CDK14: variants seen among roughly 807,000 people sequenced by gnomAD.
CDK14 encodes cyclin-dependent kinase 14.
Under a neutral mutation model 60.7 loss-of-function variants are expected in CDK14, and 34 were observed. That is an observed-to-expected ratio of 0.56 (90% CI 0.43 to 0.75). CDK14 has a LOEUF of 0.75. Ranked by LOEUF, CDK14 falls within the 30% of genes least tolerant of loss-of-function variation. The probability of loss-of-function intolerance (pLI) is 0.00; values close to 1 mark genes in which losing one functional copy is unlikely to be tolerated. For synonymous variants in CDK14, 197 were observed against 203.7 expected (o/e 0.97, Z 0.28); for missense variants, 482 against 564.1 (o/e 0.85, Z 1.47).
intron 14 of CDK14, among the ~76,000 whole-genome samples, chr7:91,162,199 T>A (rs1040396870): frequency 6.6e-6 from 1 of 152,238 alleles, no homozygotes; most frequent in South Asian, 2.1e-4. Flanking sequence ...AAACATTAGA[T>A]TACATAAGGA....
At chr7:91,176,049 ATACT>A (rs1371439849) in intron 14 of CDK14, among the ~76,000 whole-genome samples, 1 of 152,066 alleles carries the variant, frequency 6.6e-6, no homozygotes, top group Non-Finnish European at 1.5e-5. Context: ...AATTGACCAC[ATACT>A]TGGAAGTAAA....
intron 2 of CDK14, among the ~76,000 whole-genome samples, chr7:90,617,209 A>C (rs918778968): frequency 5.9e-5 from 9 of 152,102 alleles, no homozygotes; most frequent in African/African-American, 2.2e-4. Flanking sequence ...AAATACAACA[A>C]ATGGATAATG....
At chr7:90,658,259 A>G (rs1471695869) in intron 2 of CDK14, among the ~76,000 whole-genome samples, 1 of 152,160 alleles carries the variant, frequency 6.6e-6, no homozygotes, top group Non-Finnish European at 1.5e-5. Flanking sequence ...AACAACAGAA[A>G]TGTATTTCTC....
At chr7:90,605,385 C>T (rs1799396891) in intron 2 of CDK14, among the ~76,000 whole-genome samples, 2 of 152,240 alleles carry the variant, frequency 1.3e-5, no homozygotes, top group African/African-American at 4.8e-5. Context: ...TCCCTGCCAG[C>T]ATTCCTGTGA....
At chr7:91,001,113 T>C (rs1301308512) in intron 10 of CDK14, among the ~76,000 whole-genome samples, 2 of 152,202 alleles carry the variant, frequency 1.3e-5, no homozygotes, top group African/African-American at 4.8e-5. Flanking sequence ...AGCTTTTGGT[T>C]AGAGATGCTT....
chr7:90,714,434 G>A (rs1257487911), intron 2 of CDK14, among the ~76,000 whole-genome samples: 1 of 152,006 alleles, frequency 6.6e-6, no homozygotes, highest in African/African-American at 2.4e-5. Flanking sequence ...ACTTTTCTCA[G>A]CTACAGGAAA....
At chr7:90,984,100 A>G (rs751105705) in intron 9 of CDK14, 48 bp from the exon 10 acceptor site, 6 of 1,206,492 alleles carry the variant, frequency 5.0e-6, no homozygotes, top group Non-Finnish European at 7.4e-6. Context: ...TAGTTTTCCT[A>G]AGCAGAATAT....
intron 2 of CDK14, among the ~76,000 whole-genome samples, chr7:90,618,126 T>G (rs1205386766): frequency 6.6e-6 from 1 of 152,256 alleles, no homozygotes; most frequent in Non-Finnish European, 1.5e-5. Context: ...GAAGCCACTC[T>G]GGCTTCATTT....
At position 91,210,149 on chromosome 7, in the gene CDK14, G is replaced by A. The variant is rs940519710; in HGVS notation, c.*3013G>A. 1 of 152,494 alleles carries A rather than the reference G, an allele frequency of 6.6e-6. No homozygotes were observed. The highest frequency in any genetic ancestry group is 2.4e-5 in the African/African-American group (1 of 41,374). The allele number at this position is 152,494 out of a possible 1,614,324, so 9.4% of individuals were successfully genotyped here. The stretch of plus-strand genomic sequence containing the variant: ...TAACTTCCATCTCCCTTACTGGCTT[G>A]TAGGCAGAGGAAACTGTATATGTTA... On this transcript the variant is annotated 3_prime_UTR_variant, in exon 15 of 15. Coordinates refer to ENST00000380050, the MANE Select transcript of CDK14 (RefSeq NM_001287135.2).
chr7:90,843,768 A>G (rs1225579303), intron 5 of CDK14, among the ~76,000 whole-genome samples: 1 of 152,172 alleles, frequency 6.6e-6, no homozygotes, highest in African/African-American at 2.4e-5. Context: ...AGAGGGAGGA[A>G]AATGCTTGTA....
intron 2 of CDK14, among the ~76,000 whole-genome samples, chr7:90,707,038 C>T (rs1333870499): frequency 6.6e-6 from 1 of 152,014 alleles, no homozygotes; most frequent in African/African-American, 2.4e-5. Context: ...AGATCTGGGC[C>T]CAGCTCTGTT....
intron 14 of CDK14, among the ~76,000 whole-genome samples, chr7:91,186,773 C>T (rs1802205216): frequency 6.6e-6 from 1 of 151,978 alleles, no homozygotes; most frequent in Non-Finnish European, 1.5e-5. Flanking sequence ...TCTTTAAATT[C>T]TGAGACAAGG....
intron 14 of CDK14, 92 bp downstream of exon 14, chr7:91,118,300 C>T: frequency 1.6e-6 from 1 of 623,722 alleles, no homozygotes; most frequent in Non-Finnish European, 2.8e-6. Flanking sequence ...TTTTCACCAA[C>T]TATCCTATGA....
At chr7:90,748,756 T>A (rs543393234) in intron 4 of CDK14, among the ~76,000 whole-genome samples, 42 of 152,160 alleles carry the variant, frequency 2.8e-4, no homozygotes, top group Non-Finnish European at 4.4e-4. Context: ...CTATTTTTTT[T>A]AAAAAACTCT....
intron 4 of CDK14, among the ~76,000 whole-genome samples, chr7:90,787,029 A>C (rs1805614203): frequency 6.6e-6 from 1 of 152,138 alleles, no homozygotes; most frequent in African/African-American, 2.4e-5. Context: ...TTCTAAAAGT[A>C]GACCCAGTGA....
At chr7:90,973,797 A>G (rs1794994193) in intron 9 of CDK14, among the ~76,000 whole-genome samples, 1 of 152,152 alleles carries the variant, frequency 6.6e-6, no homozygotes, top group Non-Finnish European at 1.5e-5. Flanking sequence ...CACATGCTTC[A>G]AAGGGCAATG....
intron 10 of CDK14, among the ~76,000 whole-genome samples, chr7:91,043,755 G>A (rs1313053532): frequency 2.0e-5 from 3 of 152,090 alleles, no homozygotes; most frequent in Middle Eastern, 3.2e-3. Flanking sequence ...AAGTAACCAA[G>A]TATGAGTCTT....
At chr7:90,974,707 A>G (rs1272025430) in intron 9 of CDK14, among the ~76,000 whole-genome samples, 1 of 152,136 alleles carries the variant, frequency 6.6e-6, no homozygotes, top group African/African-American at 2.4e-5. Flanking sequence ...AGTTAACAAT[A>G]TCTTTTTGAG....
At position 91,108,512 on chromosome 7, in the gene CDK14, C is replaced by A. The variant is rs548989122; in HGVS notation, c.1155-4030C>A. On this transcript the variant is annotated intron_variant, in intron 12 of 14. Coordinates refer to ENST00000380050, the MANE Select transcript of CDK14 (RefSeq NM_001287135.2). ...ATACTTGTATGTTTTTAATGTCCTA[C>A]AGAATTTAAAACCTAAGAACTGTGA... Among the ~76,000 whole-genome samples the A allele has an allele frequency of 3.3e-5, 5 of 152,264 alleles. No individual in the cohort carries two copies. In the East Asian group the frequency reaches 9.6e-4, roughly 29 times the overall value.
Sources: gnomAD v4.1 joint callset for allele counts (sites outside exome capture counted in the v4.1 genomes callset) on GRCh38, gnomAD v4.1.1 for gene constraint, MANE v1.5 for transcripts, NCBI Gene and HGNC (gene_info 2026-07-23, HGNC 2026-07-21) for gene names.